The following PUM2 variants were observed in gnomAD, a reference collection of about 807,000 sequenced individuals.
The protein encoded by PUM2 is pumilio homolog 2.
A neutral mutation model predicts 124.5 loss-of-function variants in PUM2; 57 were observed. The ratio of observed to expected loss-of-function variants is 0.46; its 90% CI spans 0.37 to 0.57. The LOEUF (loss-of-function observed/expected upper bound fraction) is 0.57, where lower values mean the gene tolerates loss of function less well. Among genes scored for constraint, PUM2 ranks in the 20% least tolerant of loss-of-function variants. The pLI, the probability that PUM2 is intolerant of heterozygous loss-of-function variation, is 0.00. For missense variants in PUM2, 1,065 were observed against 1,290.6 expected (o/e 0.83, Z 2.68); for synonymous variants, 460 against 446.1 (o/e 1.03, Z -0.39).
At chr2:20,320,245 TCAAAAAA>T (rs1474756663) in intron 2 of PUM2, among the ~76,000 whole-genome samples, 13 of 151,780 alleles carry the variant, frequency 8.6e-5, no homozygotes, top group South Asian at 2.1e-4. Flanking sequence ...TGAGACTGTC[TCAAAAAA>T]CAAAAAACAA....
intron 10 of PUM2, 73 bp downstream of exon 10, chr2:20,290,579 C>T: frequency 1.4e-6 from 2 of 1,397,426 alleles, no homozygotes; most frequent in Non-Finnish European, 1.9e-6. Context: ...TGATTTTTTT[C>T]ACTCTTCAGT....
chr2:20,284,074 AAAGTT>A (rs1672168662), intron 10 of PUM2, among the ~76,000 whole-genome samples: 1 of 152,248 alleles, frequency 6.6e-6, no homozygotes, highest in Non-Finnish European at 1.5e-5. Context: ...AGTGGAGAAT[AAAGTT>A]AACTTCTTAG....
intron 14 of PUM2, among the ~76,000 whole-genome samples, chr2:20,261,115 G>C (rs1184620637): frequency 6.6e-6 from 1 of 152,124 alleles, no homozygotes; most frequent in Admixed American, 6.5e-5. Context: ...GTATGGCCGG[G>C]TGCAGTGGCT....
intron 7 of PUM2, among the ~76,000 whole-genome samples, chr2:20,307,710 TCTGA>T (rs1210639902): frequency 6.6e-6 from 1 of 152,240 alleles, no homozygotes; most frequent in Non-Finnish European, 1.5e-5. Flanking sequence ...TTTCCAAGTG[TCTGA>T]CTTTCTCAAC....
At chr2:20,308,113 C>T in intron 6 of PUM2, 42 bp from the exon 7 acceptor site, 1 of 1,570,164 alleles carries the variant, frequency 6.4e-7, no homozygotes, top group South Asian at 1.1e-5. Flanking sequence ...GTGTCAAAAT[C>T]TTTCATTTCT....
intron 1 of PUM2, among the ~76,000 whole-genome samples, chr2:20,337,087 C>T (rs1005316207): frequency 1.3e-5 from 2 of 151,990 alleles, no homozygotes; most frequent in Non-Finnish European, 2.9e-5. Flanking sequence ...AATAAAACTA[C>T]TGATCTAAAT....
chr2:20,295,475 T>C (rs1044874216), intron 8 of PUM2, among the ~76,000 whole-genome samples: 6 of 152,072 alleles, frequency 3.9e-5, no homozygotes, highest in African/African-American at 1.2e-4. Context: ...TTTCTACAGA[T>C]AGCCAGGTAA....
intron 13 of PUM2, among the ~76,000 whole-genome samples, chr2:20,269,325 C>T (rs1218398456): frequency 1.3e-5 from 2 of 152,010 alleles, no homozygotes; most frequent in Non-Finnish European, 2.9e-5. Context: ...CTCAGCCTCC[C>T]GAGTAGCTGG....
intron 5 of PUM2, among the ~76,000 whole-genome samples, chr2:20,309,157 C>G (rs941305082): frequency 6.6e-6 from 1 of 152,130 alleles, no homozygotes; most frequent in Non-Finnish European, 1.5e-5. Flanking sequence ...AGTCAAAAGG[C>G]TGACTTCTGA....
At chr2:20,327,465 C>T (rs368919576) in intron 1 of PUM2, 87 bp from the exon 2 acceptor site, 4 of 798,020 alleles carry the variant, frequency 5.0e-6, no homozygotes, top group African/African-American at 1.7e-5. Flanking sequence ...GCTGCTATGA[C>T]TAATATTAGC....
At chr2:20,265,459 A>G (rs1470666160) in intron 13 of PUM2, among the ~76,000 whole-genome samples, 1 of 152,226 alleles carries the variant, frequency 6.6e-6, no homozygotes, top group Non-Finnish European at 1.5e-5. Context: ...AACTGTTCGT[A>G]ACAATAATTG....
intron 13 of PUM2, among the ~76,000 whole-genome samples, chr2:20,277,249 C>T (rs1670475064): frequency 6.6e-6 from 1 of 152,018 alleles, no homozygotes. Flanking sequence ...TTTTTGTGTC[C>T]ATTTCATAGG....
At chr2:20,325,838 G>C (rs1329506321) in intron 2 of PUM2, among the ~76,000 whole-genome samples, 2 of 152,106 alleles carry the variant, frequency 1.3e-5, no homozygotes, top group Non-Finnish European at 2.9e-5. Context: ...AGCCAGGATG[G>C]TCTCTATCTC....
chr2:20,313,215 G>A (rs766200342), intron 3 of PUM2, among the ~76,000 whole-genome samples: 47 of 152,174 alleles, frequency 3.1e-4, no homozygotes, highest in Non-Finnish European at 5.4e-4. Flanking sequence ...TTGGCAAATG[G>A]GATCTAATTA....
At chr2:20,267,435 A>G (rs1017196797) in intron 13 of PUM2, among the ~76,000 whole-genome samples, 2 of 152,306 alleles carry the variant, frequency 1.3e-5, no homozygotes, top group South Asian at 4.1e-4. Context: ...CATCTGGAAA[A>G]CATGGGTGAA....
At chr2:20,255,074 C>T in intron 18 of PUM2, 90 bp from the exon 19 acceptor site, 1 of 1,504,328 alleles carries the variant, frequency 6.6e-7, no homozygotes, top group African/African-American at 1.4e-5. Context: ...ATCTAAAAAT[C>T]CAGTAGGATA....
chr2:20,262,040 A>G (rs1269715672), intron 14 of PUM2, among the ~76,000 whole-genome samples: 1 of 152,196 alleles, frequency 6.6e-6, no homozygotes, highest in African/African-American at 2.4e-5. Flanking sequence ...GGTTGCAGTG[A>G]GTGATGATCA....
intron 5 of PUM2, among the ~76,000 whole-genome samples, chr2:20,308,818 A>AT (rs1459690995): frequency 3.3e-4 from 50 of 152,280 alleles, no homozygotes; most frequent in Admixed American, 8.5e-4. Flanking sequence ...TTCAATCTGA[A>AT]TAACATAAAG....
At chr2:20,292,660 G>A (rs2148194096) in intron 9 of PUM2, among the ~76,000 whole-genome samples, 1 of 152,312 alleles carries the variant, frequency 6.6e-6, no homozygotes, top group Middle Eastern at 3.4e-3. Context: ...GCTGGGCGCA[G>A]TGGCTCACAC....
Sources: gnomAD v4.1 joint callset for allele counts (sites outside exome capture counted in the v4.1 genomes callset) on GRCh38, gnomAD v4.1.1 for gene constraint, MANE v1.5 for transcripts, NCBI Gene and HGNC (gene_info 2026-07-23, HGNC 2026-07-21) for gene names.